Variants in CFH observed in about 807,000 individuals in gnomAD.
The protein encoded by CFH is H factor 1 (complement).
In CFH, 53 loss-of-function variants were observed where a neutral mutation model predicts 147.3. The observed-to-expected ratio is 0.36, with a 90% CI of 0.29 to 0.45. CFH has a LOEUF of 0.45. Among genes scored for constraint, CFH ranks in the 20% least tolerant of loss-of-function variants. The pLI is 1.00. For synonymous variants in CFH, 536 were observed against 489.4 expected, an observed-to-expected ratio of 1.10 and a Z score of -1.26; for missense variants, 1,380 against 1,498.0, an observed-to-expected ratio of 0.92 and a Z score of 1.30.
chr1:196,739,418 T>C (rs1015893282), intron 17 of CFH, among the ~76,000 whole-genome samples: 1 of 152,208 alleles, frequency 6.6e-6, no homozygotes, highest in African/African-American at 2.4e-5. Flanking sequence ...AAGTTTATTC[T>C]GCCAGATACC....
At chr1:196,674,280 TC>T (rs1371749031) in intron 3 of CFH, among the ~76,000 whole-genome samples, 4 of 152,188 alleles carry the variant, frequency 2.6e-5, no homozygotes, top group Admixed American at 2.6e-4. Context: ...TCATGGGAGT[TC>T]AATGTGTCAG....
At chr1:196,720,204 C>T (rs1019712383) in intron 11 of CFH, among the ~76,000 whole-genome samples, 2 of 151,826 alleles carry the variant, frequency 1.3e-5, no homozygotes, top group Non-Finnish European at 2.9e-5. Flanking sequence ...TCGGGATCCT[C>T]CCCAGTTCTA....
Position 196,745,960 on chromosome 1 carries a change from T to A in CFH, c.3454T>A (p.Cys1152Ser), listed in dbSNP as rs1399274628. Residue 1152 changes from cysteine to serine, a missense_variant, in exon 21 of 22, where the codon TGT becomes AGT. By Grantham distance (112) the Cys-to-Ser change is moderately radical (BLOSUM62 -1). This residue lies in a region of CFH where 123 missense variants were observed against 185.3 expected (regional missense o/e 0.66). Coordinates refer to ENST00000367429, the MANE Select transcript of CFH (RefSeq NM_000186.4). ...YQLEGNKRIT[C>S]RNGQWSEPPK... ...ACTTGAGGGTAACAAGCGAATAACA[T>A]GTAGAAATGGACAATGGTCAGAACC... 1 of 1,614,120 alleles carries A rather than the reference T, an allele frequency of 6.2e-7. No homozygotes were observed.
intron 9 of CFH, among the ~76,000 whole-genome samples, chr1:196,708,841 A>G (rs866804646): frequency 6.6e-6 from 1 of 152,192 alleles, no homozygotes; most frequent in African/African-American, 2.4e-5. Flanking sequence ...TGCCAGGCAT[A>G]TATCAATATA....
Position 196,726,882 on chromosome 1 carries a change from T to G in CFH, c.2178T>G (p.Ile726Met). 6.2e-7 allele frequency: 1 copy of G among 1,613,860 alleles called. No homozygotes were observed. The highest frequency in any genetic ancestry group is 8.5e-7 in the Non-Finnish European group (1 of 1,179,816). ...EFNCSESFTMIGHRSITCIHG... is the reference protein window; with the variant it reads ...EFNCSESFTMMGHRSITCIHG... ...ATTGCTCAGAATCATTTACAATGATTGGACACAGATCAATTACGTGTATTC... is the reference window on the plus strand; with the variant it reads ...ATTGCTCAGAATCATTTACAATGATGGGACACAGATCAATTACGTGTATTC... The change falls in exon 14 of 22, where the codon ATT becomes ATG. Residue 726 changes from isoleucine to methionine, a missense_variant. Physicochemically the swap from Ile to Met is conservative, Grantham distance 10 (BLOSUM62 1). Transcript: ENST00000367429.
At chr1:196,736,325 T>C (rs1232605638) in intron 15 of CFH, among the ~76,000 whole-genome samples, 1 of 152,032 alleles carries the variant, frequency 6.6e-6, no homozygotes, top group African/African-American at 2.4e-5. Context: ...CTTATATTGG[T>C]CAAGTGTCAG....
At chr1:196,703,982 CAA>C (rs386369224) in intron 9 of CFH, among the ~76,000 whole-genome samples, 2 of 60,608 alleles carry the variant, frequency 3.3e-5, no homozygotes, top group South Asian at 9.5e-4. Flanking sequence ...AAGACTCTGT[CAA>C]AAAAAAAAAA....
chr1:196,728,393 G>T lies in CFH; in HGVS notation c.2284G>T (p.Glu762Ter). The T allele has an allele frequency of 6.3e-7, 1 of 1,592,810 alleles. No individual in the cohort carries two copies. Among genetic ancestry groups the T allele is most frequent in the South Asian group, 1.1e-5 (1 of 89,142 alleles). The change falls in exon 15 of 22, where the codon GAG becomes TAG. Residue 762 changes from glutamate to a stop codon, truncating the protein, a stop_gained. Coordinates refer to ENST00000367429, the MANE Select transcript of CFH (RefSeq NM_000186.4). LOFTEE classifies it high-confidence loss of function. Reference protein sequence around the residue: ...KCKSSNLIILEEHLKNKKEFD... With the variant: ...KCKSSNLIIL ...CAAATCATCAAATTTAATTATACTT[G>T]AGGAACATTTAAAAAACAAGAAGGA...
chr1:196,702,887 A>G (rs2149097118), intron 9 of CFH, among the ~76,000 whole-genome samples: 1 of 152,246 alleles, frequency 6.6e-6, no homozygotes, highest in Non-Finnish European at 1.5e-5. Flanking sequence ...CAGAAGCCTA[A>G]TGAGGGTTGC....
Position 196,690,123 on chromosome 1 carries a change from T to C in CFH, c.1220T>C (p.Val407Ala), listed in dbSNP as rs751232152. 2 of 1,612,942 alleles carry C rather than the reference T, an allele frequency of 1.2e-6. No individual in the cohort carries two copies. Among genetic ancestry groups the C allele is most frequent in the South Asian group, 1.1e-5 (1 of 91,064 alleles). Reference protein sequence around the residue: ...GYNQNHGRKFVQGKSIDVACH... With the variant: ...GYNQNHGRKFAQGKSIDVACH... ...AATCAAAATCATGGAAGAAAGTTTG[T>C]ACAGGGTAAATCTATAGACGTTGCC... The change falls in exon 9 of 22, where the codon GTA becomes GCA. Residue 407 changes from valine to alanine, a missense_variant. Coordinates refer to ENST00000367429, the MANE Select transcript of CFH (RefSeq NM_000186.4).
chr1:196,743,099 T>C (rs1652868943), intron 19 of CFH, among the ~76,000 whole-genome samples: 1 of 152,174 alleles, frequency 6.6e-6, no homozygotes, highest in African/African-American at 2.4e-5. Flanking sequence ...TTTTGCATTT[T>C]ATAAATTAAT....
chr1:196,704,682 G>T (rs1668544698), intron 9 of CFH, among the ~76,000 whole-genome samples: 1 of 152,210 alleles, frequency 6.6e-6, no homozygotes, highest in African/African-American at 2.4e-5. Context: ...CCCTTTGAGA[G>T]AAAAGGCACA....
At chr1:196,666,231 G>A (rs1253631271) in intron 1 of CFH, among the ~76,000 whole-genome samples, 2 of 152,078 alleles carry the variant, frequency 1.3e-5, no homozygotes, top group African/African-American at 4.8e-5. Flanking sequence ...AACTTGGAGG[G>A]TGATTTATGT....
intron 9 of CFH, among the ~76,000 whole-genome samples, chr1:196,711,121 T>C (rs1238746832): frequency 6.6e-6 from 1 of 152,176 alleles, no homozygotes; most frequent in Non-Finnish European, 1.5e-5. Context: ...TATAGAGATC[T>C]AAAATAACAA....
At chr1:196,693,599 G>A (rs1057196228) in intron 9 of CFH, among the ~76,000 whole-genome samples, 3 of 152,066 alleles carry the variant, frequency 2.0e-5, no homozygotes, top group Admixed American at 2.0e-4. Context: ...TTCATGCTCT[G>A]GGCGGGATGG....
At chr1:196,664,412 A>C (rs911240636) in intron 1 of CFH, among the ~76,000 whole-genome samples, 1 of 152,160 alleles carries the variant, frequency 6.6e-6, no homozygotes, top group Non-Finnish European at 1.5e-5. Context: ...ATCTGAAATA[A>C]TGAATCCCAA....
intron 18 of CFH, 65 bp from the exon 19 acceptor site, chr1:196,741,805 CCATTA>C (rs1222165562): frequency 7.2e-6 from 10 of 1,379,832 alleles, no homozygotes; most frequent in Admixed American, 6.7e-5. Context: ...ATTTTAGAAT[CCATTA>C]CATGTATTGT....
intron 15 of CFH, among the ~76,000 whole-genome samples, chr1:196,730,892 C>G (rs749729474): frequency 6.6e-6 from 1 of 151,756 alleles, no homozygotes; most frequent in Non-Finnish European, 1.5e-5. Context: ...ATGAGTATAA[C>G]TACCCCTGTT....
At chr1:196,670,556 C>G (rs1247070524) in intron 1 of CFH, among the ~76,000 whole-genome samples, 2 of 152,178 alleles carry the variant, frequency 1.3e-5, no homozygotes, top group African/African-American at 4.8e-5. Flanking sequence ...TTGCACTTCT[C>G]TCTTGCCATC....
Sources: allele counts gnomAD v4.1 joint callset (sites outside exome capture counted in the v4.1 genomes callset), GRCh38; gene constraint gnomAD v4.1.1; regional missense constraint gnomAD v4.1.1; transcripts MANE v1.5; gene names NCBI Gene and HGNC (gene_info 2026-07-23, HGNC 2026-07-21).